MCC: variants seen among roughly 807,000 people sequenced by gnomAD.
The protein encoded by MCC is colorectal mutant cancer protein.
A neutral mutation model predicts 116.2 loss-of-function variants in MCC; 90 were observed. That is an observed-to-expected ratio of 0.77 (90% CI 0.65 to 0.92). The LOEUF (loss-of-function observed/expected upper bound fraction) is 0.92, where lower values mean the gene tolerates loss of function less well. Among genes scored for constraint, MCC ranks in the 40% least tolerant of loss-of-function variants. The pLI is 0.00. For missense variants in MCC, 1,516 were observed against 1,312.2 expected (o/e 1.16, Z -2.40); for synonymous variants, 578 against 510.5 (o/e 1.13, Z -1.78).
intron 1 of MCC, among the ~76,000 whole-genome samples, chr5:113,415,793 G>A (rs926148004): frequency 2.7e-4 from 41 of 152,226 alleles, no homozygotes; most frequent in South Asian, 8.3e-4. Flanking sequence ...GTCATTCTCC[G>A]TCCAGCTTTG....
At chr5:113,479,595 G>C (rs973040900) in intron 1 of MCC, among the ~76,000 whole-genome samples, 1 of 152,002 alleles carries the variant, frequency 6.6e-6, no homozygotes, top group African/African-American at 2.4e-5. Flanking sequence ...ATCCTAAGTA[G>C]GGCTCTACTT....
chr5:113,110,964 G>A (rs1440615097), intron 6 of MCC, among the ~76,000 whole-genome samples: 1 of 152,160 alleles, frequency 6.6e-6, no homozygotes, highest in Non-Finnish European at 1.5e-5. Context: ...GACTCAGCAC[G>A]CCCAACCCAC....
intron 3 of MCC, among the ~76,000 whole-genome samples, chr5:113,329,417 CACATACATATATACACACAT>C (rs997358485): frequency 7.0e-6 from 1 of 142,474 alleles, no homozygotes; most frequent in African/African-American, 3.1e-5. Flanking sequence ...CATATATCCA[CACATACATATATACACACAT>C]ACATATATAC....
intron 11 of MCC, among the ~76,000 whole-genome samples, chr5:113,080,484 T>A (rs1754774743): frequency 6.6e-6 from 1 of 152,088 alleles, no homozygotes; most frequent in Non-Finnish European, 1.5e-5. Context: ...TAAAAAAGGA[T>A]GAGTTCATGT....
chr5:113,187,754 CAAA>C (rs5870533), intron 3 of MCC, among the ~76,000 whole-genome samples: 2,013 of 122,918 alleles, frequency 0.016, 27 homozygotes, highest in Non-Finnish European at 0.025. Flanking sequence ...GACTCCAACT[CAAA>C]AAAAAAAAAA....
At chr5:113,280,284 C>CT (rs1402178054) in intron 3 of MCC, among the ~76,000 whole-genome samples, 1 of 152,156 alleles carries the variant, frequency 6.6e-6, no homozygotes, top group Admixed American at 6.5e-5. Context: ...TCCAGGGGCT[C>CT]ACACCGCTGG....
intron 1 of MCC, among the ~76,000 whole-genome samples, chr5:113,461,744 TAAAAA>T (rs56312844): frequency 4.2e-5 from 5 of 118,814 alleles, no homozygotes; most frequent in African/African-American, 9.4e-5. Flanking sequence ...CTTGCACCAG[TAAAAA>T]AAAAAAAAAA....
At chr5:113,153,163 C>T (rs959005201) in intron 3 of MCC, among the ~76,000 whole-genome samples, 1 of 152,128 alleles carries the variant, frequency 6.6e-6, no homozygotes, top group African/African-American at 2.4e-5. Context: ...ACCTCACCTC[C>T]GGCGAAAAGG....
intron 1 of MCC, among the ~76,000 whole-genome samples, chr5:113,455,267 G>A (rs911990854): frequency 1.3e-5 from 2 of 152,180 alleles, no homozygotes; most frequent in Non-Finnish European, 2.9e-5. Flanking sequence ...GGCCAGCCAA[G>A]GCTGAAAGGC....
At chr5:113,405,625 C>G (rs754512728) in intron 1 of MCC, among the ~76,000 whole-genome samples, 2 of 151,668 alleles carry the variant, frequency 1.3e-5, no homozygotes, top group East Asian at 3.9e-4. Context: ...ATCCGCCCCC[C>G]AACCCCGATC....
chr5:113,103,166 C>T (rs185923511), intron 7 of MCC, among the ~76,000 whole-genome samples: 17 of 152,042 alleles, frequency 1.1e-4, no homozygotes, highest in Non-Finnish European at 2.1e-4. Flanking sequence ...AGAAACAGAA[C>T]GCCTCCAATA....
At chr5:113,120,137 A>T (rs1328978235) in intron 6 of MCC, among the ~76,000 whole-genome samples, 2 of 152,212 alleles carry the variant, frequency 1.3e-5, no homozygotes, top group South Asian at 4.1e-4. Flanking sequence ...AGCAATTTCT[A>T]GGCTGTTTAA....
At chr5:113,451,290 T>C (rs1375839950) in intron 1 of MCC, among the ~76,000 whole-genome samples, 4 of 152,226 alleles carry the variant, frequency 2.6e-5, no homozygotes, top group African/African-American at 9.6e-5. Context: ...AGGGATCTTT[T>C]AGGAAGAGAT....
rs895407503 is a variant in MCC at position 113,071,323 on chromosome 5, G to C, written c.1785-89C>G. On this transcript the variant is annotated intron_variant, in intron 11 of 18. Transcript: ENST00000408903. ...TCTCATTTATATTCAGGGCAGAAAA[G>C]CATGTGAGGATGTGGGCCTGTCAGA... 2.8e-6 allele frequency: 4 copies of C among 1,413,146 alleles called. No individual in the cohort carries two copies. In the South Asian group the frequency reaches 5.5e-5, roughly 19 times the overall value. The allele number at this position is 1,413,146 out of a possible 1,614,324, so 87.5% of individuals were successfully genotyped here.
chr5:113,341,365 G>T (rs778039433), intron 2 of MCC, among the ~76,000 whole-genome samples: 6 of 151,678 alleles, frequency 4.0e-5, no homozygotes, highest in African/African-American at 7.3e-5. Flanking sequence ...AATTTTTTTT[G>T]TAGACCTCAT....
intron 3 of MCC, among the ~76,000 whole-genome samples, chr5:113,152,430 T>A (rs1759937931): frequency 6.6e-6 from 1 of 152,220 alleles, no homozygotes; most frequent in Non-Finnish European, 1.5e-5. Context: ...CTGAATTCCA[T>A]ACTACATTTG....
At chr5:113,258,280 C>T (rs1446428391) in intron 3 of MCC, among the ~76,000 whole-genome samples, 1 of 152,230 alleles carries the variant, frequency 6.6e-6, no homozygotes, top group African/African-American at 2.4e-5. Flanking sequence ...AATGTTCTTT[C>T]TGTGGGTGGC....
chr5:113,065,661 G>A (rs1319935069), intron 13 of MCC, among the ~76,000 whole-genome samples: 1 of 152,162 alleles, frequency 6.6e-6, no homozygotes, highest in Admixed American at 6.5e-5. Flanking sequence ...AAGCACCTGT[G>A]AATGAAAGAA....
At chr5:113,142,035 T>G (rs1433473281) in intron 5 of MCC, among the ~76,000 whole-genome samples, 1 of 152,186 alleles carries the variant, frequency 6.6e-6, no homozygotes. Context: ...AATATACAAT[T>G]TAAAAGCCTT....
Sources: allele counts gnomAD v4.1 joint callset (sites outside exome capture counted in the v4.1 genomes callset), GRCh38; gene constraint gnomAD v4.1.1; transcripts MANE v1.5; gene names NCBI Gene and HGNC (gene_info 2026-07-23, HGNC 2026-07-21).